PTPRN2: variants seen among roughly 807,000 people sequenced by gnomAD.
PTPRN2 encodes the protein protein tyrosine phosphatase receptor type N2.
In PTPRN2, 74 loss-of-function variants were observed where a neutral mutation model predicts 118.8. That is an observed-to-expected ratio of 0.62 (90% CI 0.52 to 0.76). The LOEUF is 0.76. Ranked by LOEUF, PTPRN2 falls within the 30% of genes least tolerant of loss-of-function variation. The probability of loss-of-function intolerance (pLI) is 0.00; values close to 1 mark genes in which losing one functional copy is unlikely to be tolerated. For missense variants in PTPRN2, 1,481 were observed against 1,394.4 expected (o/e 1.06, Z -0.99); for synonymous variants, 641 against 608.0 (o/e 1.05, Z -0.80).
At chr7:157,971,060 G>T (rs1487639649) in intron 11 of PTPRN2, among the ~76,000 whole-genome samples, 1 of 152,156 alleles carries the variant, frequency 6.6e-6, no homozygotes, top group East Asian at 1.9e-4. Flanking sequence ...CTCTATCACA[G>T]ATTTAATAAC....
intron 6 of PTPRN2, among the ~76,000 whole-genome samples, chr7:158,150,424 A>G (rs1820859101): frequency 6.6e-6 from 1 of 152,168 alleles, no homozygotes; most frequent in Non-Finnish European, 1.5e-5. Flanking sequence ...CAGCTCGAAA[A>G]GTGGCAGCTC....
At chr7:158,308,054 G>A (rs1801425056) in intron 3 of PTPRN2, among the ~76,000 whole-genome samples, 1 of 152,148 alleles carries the variant, frequency 6.6e-6, no homozygotes, top group Admixed American at 6.5e-5. Flanking sequence ...CCAGATACCT[G>A]TAATAAATAA....
At chr7:158,317,644 C>G (rs1802444947) in intron 2 of PTPRN2, among the ~76,000 whole-genome samples, 1 of 152,188 alleles carries the variant, frequency 6.6e-6, no homozygotes, top group South Asian at 2.1e-4. Context: ...TTCAAATTAC[C>G]TTCTTTGGTG....
chr7:158,441,858 T>C (rs897288083), intron 2 of PTPRN2, among the ~76,000 whole-genome samples: 79 of 144,178 alleles, frequency 5.5e-4, no homozygotes, highest in Middle Eastern at 3.6e-3. Flanking sequence ...ATGGTGATAG[T>C]GATGGTCATG....
At chr7:158,414,516 T>C (rs988823232) in intron 2 of PTPRN2, among the ~76,000 whole-genome samples, 15 of 152,166 alleles carry the variant, frequency 9.9e-5, no homozygotes, top group Non-Finnish European at 1.6e-4. Flanking sequence ...CAAAGGAAAT[T>C]AGATGTTCTC....
chr7:158,076,979 A>C (rs894312120), intron 11 of PTPRN2, among the ~76,000 whole-genome samples: 1 of 152,244 alleles, frequency 6.6e-6, no homozygotes, highest in Non-Finnish European at 1.5e-5. Flanking sequence ...TCGATAGTTA[A>C]GGCTGGCTGG....
intron 2 of PTPRN2, among the ~76,000 whole-genome samples, chr7:158,383,465 G>C (rs1212733280): frequency 6.6e-6 from 1 of 152,182 alleles, no homozygotes; most frequent in Non-Finnish European, 1.5e-5. Flanking sequence ...CTCACCCTTT[G>C]TGGCTGCCAG....
chr7:157,804,017 C>T (rs926535782), intron 12 of PTPRN2, among the ~76,000 whole-genome samples: 2 of 152,154 alleles, frequency 1.3e-5, no homozygotes, highest in African/African-American at 4.8e-5. Context: ...TTAGTAGAAA[C>T]ATATGCAAGA....
intron 2 of PTPRN2, among the ~76,000 whole-genome samples, chr7:158,430,537 C>T (rs1191886160): frequency 6.6e-6 from 1 of 152,244 alleles, no homozygotes; most frequent in Admixed American, 6.5e-5. Context: ...TGGATTCCCG[C>T]TCTGAGAGTC....
chr7:158,311,166 CA>C (rs1406656673), intron 3 of PTPRN2, among the ~76,000 whole-genome samples: 1 of 152,230 alleles, frequency 6.6e-6, no homozygotes, highest in African/African-American at 2.4e-5. Flanking sequence ...AGCACGTCCC[CA>C]GCAGCAGCTC....
intron 12 of PTPRN2, among the ~76,000 whole-genome samples, chr7:157,829,464 T>C (rs1183039984): frequency 6.6e-6 from 1 of 152,196 alleles, no homozygotes; most frequent in Non-Finnish European, 1.5e-5. Context: ...CCGCAGGCCA[T>C]ACGTGGGGTT....
chr7:158,040,515 C>T (rs550510664), intron 11 of PTPRN2, among the ~76,000 whole-genome samples: 12 of 152,262 alleles, frequency 7.9e-5, no homozygotes, highest in Non-Finnish European at 1.6e-4. Context: ...CCTTACCTTA[C>T]CCATAGAAAA....
At chr7:158,119,913 C>A (rs1482720217) in intron 9 of PTPRN2, among the ~76,000 whole-genome samples, 1 of 152,114 alleles carries the variant, frequency 6.6e-6, no homozygotes, top group Non-Finnish European at 1.5e-5. Flanking sequence ...ACATTCACAG[C>A]CGCATTATTC....
intron 1 of PTPRN2, among the ~76,000 whole-genome samples, chr7:158,547,777 T>G (rs1826391241): frequency 6.6e-6 from 1 of 152,182 alleles, no homozygotes; most frequent in South Asian, 2.1e-4. Context: ...GTACCCCCTG[T>G]CCACCTGGCC....
intron 12 of PTPRN2, among the ~76,000 whole-genome samples, chr7:157,718,789 C>T (rs1055405993): frequency 1.1e-4 from 16 of 151,836 alleles, no homozygotes; most frequent in Admixed American, 2.0e-4. Context: ...CAGGCGTCCG[C>T]GGTGACACTG....
intron 2 of PTPRN2, among the ~76,000 whole-genome samples, chr7:158,437,129 G>A (rs10271690): frequency 0.15 from 22,159 of 151,886 alleles, 1,850 homozygotes; most frequent in Non-Finnish European, 0.19. Flanking sequence ...CATACACTCC[G>A]TCCTGTACTT....
intron 13 of PTPRN2, chr7:157,669,547 A>G (rs760239144): frequency 6.1e-6 from 3 of 491,036 alleles, no homozygotes; most frequent in African/African-American, 2.0e-5. Flanking sequence ...GGCTGTAAGC[A>G]CAGCTCCTGC....
chr7:158,562,289 C>G (rs1827439153), intron 1 of PTPRN2, among the ~76,000 whole-genome samples: 1 of 152,120 alleles, frequency 6.6e-6, no homozygotes, highest in Admixed American at 6.5e-5. Context: ...TCTGGAGCTG[C>G]CTTATTAGTG....
chr7:158,085,693 C>T (rs1813322911), intron 10 of PTPRN2, among the ~76,000 whole-genome samples: 1 of 144,230 alleles, frequency 6.9e-6, no homozygotes, highest in Non-Finnish European at 1.5e-5. Context: ...GACACCCATC[C>T]ACACAGATAC....
Sources: gnomAD v4.1 joint callset for allele counts (sites outside exome capture counted in the v4.1 genomes callset) on GRCh38, gnomAD v4.1.1 for gene constraint, MANE v1.5 for transcripts, NCBI Gene and HGNC (gene_info 2026-07-23, HGNC 2026-07-21) for gene names.